MGMT: variants seen among roughly 807,000 people sequenced by gnomAD.
MGMT encodes the protein O-6-methylguanine-DNA methyltransferase, also known as methylated-DNA--protein-cysteine methyltransferase.
A neutral mutation model predicts 15.9 loss-of-function variants in MGMT; 14 were observed. The observed-to-expected ratio is 0.88, with a 90% CI of 0.58 to 1.37. The LOEUF is 1.37. MGMT is among the 40% of genes most tolerant of loss of function. The probability of loss-of-function intolerance (pLI) is 0.00; values close to 1 mark genes in which losing one functional copy is unlikely to be tolerated. For missense variants in MGMT, 282 were observed against 268.1 expected (o/e 1.05, Z -0.36); for synonymous variants, 130 against 118.2 (o/e 1.10, Z -0.65).
intron 3 of MGMT, among the ~76,000 whole-genome samples, chr10:129,732,706 C>T (rs1021570316): frequency 7.1e-5 from 9 of 126,332 alleles, no homozygotes; most frequent in African/African-American, 2.3e-4. Context: ...ATCCCTCCCC[C>T]GTCCCCCCAC....
At chr10:129,763,720 T>C (rs1848901126) in intron 4 of MGMT, among the ~76,000 whole-genome samples, 1 of 152,208 alleles carries the variant, frequency 6.6e-6, no homozygotes, top group Non-Finnish European at 1.5e-5. Context: ...TTGTGTATTA[T>C]CTAATAATGC....
chr10:129,673,045 C>T (rs879136660), intron 2 of MGMT, among the ~76,000 whole-genome samples: 1 of 152,110 alleles, frequency 6.6e-6, no homozygotes, highest in Admixed American at 6.5e-5. Context: ...AGTGACAGCT[C>T]ACTTTTACTC....
intron 3 of MGMT, among the ~76,000 whole-genome samples, chr10:129,711,151 C>T (rs1406452828): frequency 6.6e-6 from 1 of 152,316 alleles, no homozygotes; most frequent in East Asian, 1.9e-4. Flanking sequence ...CTCCTGCACA[C>T]GGCCTCTTCG....
At chr10:129,701,734 C>T (rs953082182) in intron 2 of MGMT, 3 of 152,142 alleles carry the variant, frequency 2.0e-5, no homozygotes, top group African/African-American at 7.2e-5. Flanking sequence ...GCTTCCTCTA[C>T]CCTTTGTCTG....
chr10:129,510,472 CTG>C (rs1180086570), intron 1 of MGMT, among the ~76,000 whole-genome samples: 5 of 152,076 alleles, frequency 3.3e-5, no homozygotes, highest in African/African-American at 1.2e-4. Context: ...GGGGAAAACA[CTG>C]GAATTGATGA....
chr10:129,707,707 A>G (rs1166263517), intron 2 of MGMT, among the ~76,000 whole-genome samples, 188 bp from the exon 3 acceptor site: 1 of 151,958 alleles, frequency 6.6e-6, no homozygotes, highest in Non-Finnish European at 1.5e-5. Flanking sequence ...GAAGGTGGAG[A>G]GTGGTTGCGG....
chr10:129,613,360 A>G (rs1020980092), intron 2 of MGMT, among the ~76,000 whole-genome samples: 3 of 152,202 alleles, frequency 2.0e-5, no homozygotes, highest in East Asian at 1.9e-4. Context: ...TGTGATTTGA[A>G]TATCACATGC....
intron 2 of MGMT, among the ~76,000 whole-genome samples, chr10:129,647,903 G>A (rs1315204266): frequency 6.6e-6 from 1 of 152,204 alleles, no homozygotes; most frequent in Non-Finnish European, 1.5e-5. Context: ...GCGAGTCTGT[G>A]AAGGAACATA....
chr10:129,524,681 T>C (rs996381167), intron 1 of MGMT, among the ~76,000 whole-genome samples: 4 of 132,590 alleles, frequency 3.0e-5, no homozygotes. Flanking sequence ...AACCTCCGCC[T>C]CCCGGGTTCA....
chr10:129,588,040 C>G (rs1389486882), intron 2 of MGMT, among the ~76,000 whole-genome samples: 1 of 152,186 alleles, frequency 6.6e-6, no homozygotes, highest in African/African-American at 2.4e-5. Context: ...TTTGAAGATT[C>G]ACTAGTTGCA....
intron 4 of MGMT, among the ~76,000 whole-genome samples, chr10:129,765,564 G>C (rs11016916): frequency 0.087 from 13,258 of 152,260 alleles, 827 homozygotes; most frequent in Non-Finnish European, 0.13. Flanking sequence ...TTGAAGGCAG[G>C]GGGTGGGGGG....
chr10:129,515,827 G>A (rs536607857), intron 1 of MGMT, among the ~76,000 whole-genome samples: 2 of 148,896 alleles, frequency 1.3e-5, no homozygotes, highest in South Asian at 2.1e-4. Context: ...TAACAGAGGT[G>A]CAGTCTTCAA....
At chr10:129,553,468 C>A (rs1330836791) in intron 2 of MGMT, among the ~76,000 whole-genome samples, 1 of 152,144 alleles carries the variant, frequency 6.6e-6, no homozygotes, top group Non-Finnish European at 1.5e-5. Flanking sequence ...TGCATCTGTT[C>A]ACCAGCGCAT....
intron 1 of MGMT, among the ~76,000 whole-genome samples, chr10:129,535,478 C>T (rs1443495493): frequency 6.6e-6 from 1 of 152,202 alleles, no homozygotes; most frequent in Admixed American, 6.5e-5. Flanking sequence ...ATTCTTCAGC[C>T]TCCTGAGCAG....
intron 3 of MGMT, among the ~76,000 whole-genome samples, chr10:129,757,502 C>T (rs530282014): frequency 5.3e-5 from 8 of 152,238 alleles, no homozygotes; most frequent in Admixed American, 2.0e-4. Flanking sequence ...CTGTGTTCGC[C>T]GAGGAAGGCA....
rs777196621 is a variant in MGMT, at chr10:129,708,046, C to T, written c.274+3C>T. On this transcript the variant is annotated splice_donor_region_variant and intron_variant, in intron 3 of 4. Transcript: ENST00000651593. ...TCACCATCCCGTTTTCCAGCAAGGT[C>T]GGTAACTAAGCCATCTGCGGTGTTT... 7 of 1,610,664 alleles carry T rather than the reference C, an allele frequency of 4.3e-6. No individual in the cohort carries two copies. The highest frequency in any genetic ancestry group is 4.5e-5 in the East Asian group (2 of 44,854).
At chr10:129,652,884 G>C (rs1473213570) in intron 2 of MGMT, among the ~76,000 whole-genome samples, 1 of 152,224 alleles carries the variant, frequency 6.6e-6, no homozygotes, top group Admixed American at 6.5e-5. Flanking sequence ...AATATTTGTT[G>C]TGTTCCTCCT....
At chr10:129,726,188 C>T (rs945777368) in intron 3 of MGMT, among the ~76,000 whole-genome samples, 8 of 152,078 alleles carry the variant, frequency 5.3e-5, no homozygotes, top group African/African-American at 1.9e-4. Context: ...GGAAACTCAA[C>T]TTTAGACAGT....
rs751985289 is a variant in MGMT at position 129,766,952 on chromosome 10, G to GGGAGC, written c.582_586dup (p.Gly196GlufsTer19). ...CAGGTCTGGCAGGGGCCTGGCTCAA[G>GGGAGC]GGAGCGGGAGCTACCTCGGGCTCCC... On this transcript the variant is annotated frameshift_variant, in exon 5 of 5. Transcript: ENST00000651593. LOFTEE classifies it low-confidence loss of function (END_TRUNC). The GGGAGC allele has an allele frequency of 6.2e-7, 1 of 1,610,896 alleles. No individual in the cohort carries two copies. The highest frequency in any genetic ancestry group is 1.3e-5 in the African/African-American group (1 of 75,014).
Sources: gnomAD v4.1 joint callset for allele counts (sites outside exome capture counted in the v4.1 genomes callset) on GRCh38, gnomAD v4.1.1 for gene constraint, MANE v1.5 for transcripts, NCBI Gene and HGNC (gene_info 2026-07-23, HGNC 2026-07-21) for gene names.